Variants in ZDHHC15 observed in about 807,000 individuals in gnomAD.
ZDHHC15 encodes palmitoyltransferase ZDHHC15.
ZDHHC15 carries 19 observed loss-of-function variants against 31.7 expected under a neutral mutation model. The observed-to-expected ratio is 0.60, with a 90% CI of 0.42 to 0.88. The LOEUF (loss-of-function observed/expected upper bound fraction) is 0.88. ZDHHC15 is among the 40% of genes least tolerant of loss of function. The pLI, the probability that ZDHHC15 is intolerant of heterozygous loss-of-function variation, is 0.00. For synonymous variants in ZDHHC15, 103 were observed against 90.0 expected, an observed-to-expected ratio of 1.14 and a Z score of -0.82; for missense variants, 209 against 251.2, an observed-to-expected ratio of 0.83 and a Z score of 1.14.
At chrX:75,381,874 G>C (rs5937370) in intron 10 of ZDHHC15, among the ~76,000 whole-genome samples, 8,824 of 110,705 alleles carry the variant, frequency 0.08, 524 homozygotes, top group African/African-American at 0.21. Flanking sequence ...CACTTTCCTG[G>C]AATGCTAATT....
chrX:75,403,076 G>A (rs1437242672), intron 10 of ZDHHC15, among the ~76,000 whole-genome samples: 1 of 112,148 alleles, frequency 8.9e-6, no homozygotes, highest in African/African-American at 3.2e-5. Flanking sequence ...ATGCAAAGTT[G>A]TTTCAACATA....
chrX:75,398,245 C>T (rs1427266752), intron 10 of ZDHHC15, among the ~76,000 whole-genome samples: 3 of 112,476 alleles, frequency 2.7e-5, no homozygotes, highest in African/African-American at 9.7e-5. Flanking sequence ...GGTGCCTTAG[C>T]CGTTCCAGCC....
chrX:75,395,121 C>G lies in ZDHHC15; in HGVS notation c.968-15923G>C, dbSNP rs149502903. 4.1e-3 allele frequency among the ~76,000 whole-genome samples: 455 copies of G among 111,053 alleles called. 3 individuals carry two copies. The highest frequency in any genetic ancestry group is 0.014 in the African/African-American group (428 of 30,616). On this transcript the variant is annotated intron_variant, in intron 10 of 11. Coordinates refer to ENST00000373367, the MANE Select transcript of ZDHHC15 (RefSeq NM_144969.3). Reference sequence around the variant, plus strand: ...ATATGCTCCTGAATTACCAGTAGATCAATAAAGAAATTAAGAAGGGAAGTG... The same window carrying G: ...ATATGCTCCTGAATTACCAGTAGATGAATAAAGAAATTAAGAAGGGAAGTG...
At position 75,421,891 on chromosome X, in the gene ZDHHC15, T is replaced by A; in HGVS notation, c.836A>T (p.Lys279Met). 1 of 1,210,379 alleles carries A rather than the reference T, an allele frequency of 8.3e-7. No individual in the cohort carries two copies. Among genetic ancestry groups the A allele is most frequent in the South Asian group, 1.8e-5 (1 of 56,876 alleles). ...NIQQVFGDKK[K>M]FWLIPIGSSP... ...GGAACCAATAGGTATTAACCAGAACTTCTTCTTATCTCCAAACACCTGCTG... is the reference window on the plus strand; with the variant it reads ...GGAACCAATAGGTATTAACCAGAACATCTTCTTATCTCCAAACACCTGCTG... The change falls in exon 9 of 12, where the codon AAG (lysine) becomes ATG (methionine). Residue 279 changes from lysine (K) to methionine (M), a missense_variant. By Grantham distance (95) the Lys-to-Met change is moderately conservative. Transcript: ENST00000373367.
At chrX:75,394,603 C>A (rs746826736) in intron 10 of ZDHHC15, among the ~76,000 whole-genome samples, 58 of 111,685 alleles carry the variant, frequency 5.2e-4, no homozygotes, top group African/African-American at 1.8e-3. Context: ...CATTTTAAGA[C>A]AAAAACTATA....
chrX:75,516,935 C>G (rs1459399818), intron 1 of ZDHHC15, among the ~76,000 whole-genome samples: 1 of 112,172 alleles, frequency 8.9e-6, no homozygotes, highest in Admixed American at 9.4e-5. Context: ...AGGATATGAA[C>G]AGACATTTCT....
intron 4 of ZDHHC15, among the ~76,000 whole-genome samples, chrX:75,444,386 C>T (rs1180444211): frequency 3.1e-5 from 3 of 97,938 alleles, no homozygotes; most frequent in African/African-American, 1.2e-4. Context: ...CCAAACACCG[C>T]ATGTTCTCAC....
At chrX:75,443,473 T>C (rs1335095311) in intron 4 of ZDHHC15, among the ~76,000 whole-genome samples, 1 of 111,874 alleles carries the variant, frequency 8.9e-6, no homozygotes, top group East Asian at 2.8e-4. Flanking sequence ...TAATTCAAGA[T>C]GGATTAAAGA....
chrX:75,491,476 T>A (rs1602721937), intron 2 of ZDHHC15, among the ~76,000 whole-genome samples: 1 of 49,059 alleles, frequency 2.0e-5, no homozygotes, highest in Non-Finnish European at 3.5e-5. Context: ...GGGACTGTTG[T>A]GGGGTGGGGG....
chrX:75,413,633 C>T lies in ZDHHC15; in HGVS notation c.967+3454G>A, dbSNP rs111686995. On this transcript the variant is annotated intron_variant, in intron 10 of 11. Transcript: ENST00000373367. ...TGAGCCGAGATTGCGCCACTGCACT[C>T]CAGCCTGGATGACAGAGCGAGACTC... Among the ~76,000 whole-genome samples, 184 of 108,556 alleles carry T rather than the reference C, an allele frequency of 1.7e-3. 2 individuals are homozygous for T. Among genetic ancestry groups the T allele is most frequent in the African/African-American group, 5.7e-3 (171 of 29,774 alleles). 94.3% of individuals were successfully genotyped at this position (108,556 alleles called of 115,157 possible).
At chrX:75,421,097 T>A (rs907378677) in intron 9 of ZDHHC15, among the ~76,000 whole-genome samples, 10 of 107,483 alleles carry the variant, frequency 9.3e-5, no homozygotes, top group Admixed American at 4.2e-4. Flanking sequence ...TTACCATTTT[T>A]AACATTTTTT....
At chrX:75,418,662 C>G (rs1283596489) in intron 9 of ZDHHC15, among the ~76,000 whole-genome samples, 1 of 111,853 alleles carries the variant, frequency 8.9e-6, no homozygotes, top group Non-Finnish European at 1.9e-5. Flanking sequence ...AATAACGTCA[C>G]AAATCTACAA....
At chrX:75,460,406 C>T (rs1424036510) in intron 3 of ZDHHC15, among the ~76,000 whole-genome samples, 1 of 110,960 alleles carries the variant, frequency 9.0e-6, no homozygotes, top group Non-Finnish European at 1.9e-5. Context: ...GGGTTCCCTC[C>T]AGTAGAGCAA....
chrX:75,400,811 G>T (rs1019870642), intron 10 of ZDHHC15, among the ~76,000 whole-genome samples: 17 of 111,735 alleles, frequency 1.5e-4, no homozygotes, highest in Admixed American at 1.3e-3. Flanking sequence ...AGCCAGAAAA[G>T]ACTGGGGGCC....
In ZDHHC15 at chrX:75,475,046, G is replaced by A. The variant is rs1028453179; in HGVS notation, c.258+3845C>T. 5.7e-4 allele frequency among the ~76,000 whole-genome samples: 63 copies of A among 111,452 alleles called. 1 individual carries two copies. Among genetic ancestry groups the A allele is most frequent in the African/African-American group, 1.9e-3 (57 of 30,760 alleles). ...TGCACTCCTGCCTGGGCGACAGAGC[G>A]AGACTCCGTCTCAAAAAAATAAATA... is the stretch of plus-strand genomic sequence containing the variant. On this transcript the variant is annotated intron_variant, in intron 3 of 11. Transcript: ENST00000373367.
intron 2 of ZDHHC15, among the ~76,000 whole-genome samples, chrX:75,489,444 G>A (rs1005469587): frequency 2.5e-4 from 28 of 111,880 alleles, no homozygotes; most frequent in Admixed American, 2.3e-3. Flanking sequence ...AATATCCGCT[G>A]TTCTGCAGCC....
intron 10 of ZDHHC15, among the ~76,000 whole-genome samples, chrX:75,407,216 AC>A (rs1453960350): frequency 9.3e-6 from 1 of 107,603 alleles, no homozygotes; most frequent in African/African-American, 3.4e-5. Flanking sequence ...TCTCTGCCCG[AC>A]CGCCACCCCA....
intron 4 of ZDHHC15, among the ~76,000 whole-genome samples, chrX:75,433,866 G>A (rs2083816041): frequency 9.0e-6 from 1 of 110,607 alleles, no homozygotes; most frequent in Non-Finnish European, 1.9e-5. Flanking sequence ...CCCAGGAGTG[G>A]GATTGTTGGA....
At chrX:75,498,259 A>G (rs1177487514) in intron 2 of ZDHHC15, among the ~76,000 whole-genome samples, 1 of 110,792 alleles carries the variant, frequency 9.0e-6, no homozygotes, top group Non-Finnish European at 1.9e-5. Context: ...TATAATCAAC[A>G]TAGGATCAGA....
Sources: allele counts gnomAD v4.1 joint callset (sites outside exome capture counted in the v4.1 genomes callset), GRCh38; gene constraint gnomAD v4.1.1; transcripts MANE v1.5; gene names NCBI Gene and HGNC (gene_info 2026-07-23, HGNC 2026-07-21).